Variants in LRRIQ1 observed in about 807,000 individuals in gnomAD.
LRRIQ1 encodes the protein leucine-rich repeat- and IQ domain-containing protein 1.
In LRRIQ1, 210 loss-of-function variants were observed where a neutral mutation model predicts 211.9. The observed-to-expected ratio is 0.99, with a 90% confidence interval of 0.89 to 1.11. The LOEUF (loss-of-function observed/expected upper bound fraction) is 1.11. LRRIQ1 is among the 50% of genes most tolerant of loss of function. The probability of loss-of-function intolerance (pLI) is 0.00; values close to 1 mark genes in which losing one functional copy is unlikely to be tolerated. For synonymous variants in LRRIQ1, 699 were observed against 650.1 expected, an observed-to-expected ratio of 1.08 and a Z score of -1.14; for missense variants, 2,136 against 1,939.5, an observed-to-expected ratio of 1.10 and a Z score of -1.90.
chr12:85,122,412 A>C (rs1888051465), intron 16 of LRRIQ1, among the ~76,000 whole-genome samples: 1 of 152,150 alleles, frequency 6.6e-6, no homozygotes, highest in South Asian at 2.1e-4. Flanking sequence ...AATCAGAATC[A>C]AATGTTGAAG....
chr12:85,173,187 T>G (rs916446500), intron 24 of LRRIQ1, among the ~76,000 whole-genome samples: 2 of 152,196 alleles, frequency 1.3e-5, no homozygotes, highest in African/African-American at 4.8e-5. Context: ...GTAATAAAAT[T>G]CTGTAAATTC....
At chr12:85,215,493 C>T (rs1894036976) in intron 24 of LRRIQ1, among the ~76,000 whole-genome samples, 1 of 152,100 alleles carries the variant, frequency 6.6e-6, no homozygotes, top group African/African-American at 2.4e-5. Flanking sequence ...CTGATCTTCT[C>T]CCTCTACCCA....
At chr12:85,086,996 A>C (rs568734172) in intron 11 of LRRIQ1, among the ~76,000 whole-genome samples, 3 of 151,892 alleles carry the variant, frequency 2.0e-5, no homozygotes, top group Admixed American at 6.6e-5. Flanking sequence ...CACAACGTGC[A>C]GGTTTGTTAC....
At chr12:85,105,857 C>T (rs1038819495) in intron 14 of LRRIQ1, among the ~76,000 whole-genome samples, 4 of 141,246 alleles carry the variant, frequency 2.8e-5, no homozygotes, top group African/African-American at 8.1e-5. Context: ...AGTGCAATAG[C>T]ATGATCTCAG....
intron 19 of LRRIQ1, 43 bp from the exon 20 acceptor site, chr12:85,152,237 T>G (rs1185261371): frequency 6.7e-7 from 1 of 1,489,294 alleles, no homozygotes; most frequent in East Asian, 2.3e-5. Context: ...ATTGTAAAAG[T>G]TATGTAAGCT....
chr12:85,134,590 T>C (rs1209053934), intron 18 of LRRIQ1, among the ~76,000 whole-genome samples: 5 of 152,080 alleles, frequency 3.3e-5, no homozygotes, highest in Admixed American at 3.3e-4. Context: ...AGAATACTGT[T>C]CCTTTGCATT....
intron 1 of LRRIQ1, among the ~76,000 whole-genome samples, chr12:85,036,748 C>CT (rs5799718): frequency 0.23 from 33,590 of 148,014 alleles, 4,233 homozygotes; most frequent in Admixed American, 0.31. Context: ...CTCTTTCTTT[C>CT]TTTTTTTTTT....
intron 24 of LRRIQ1, among the ~76,000 whole-genome samples, chr12:85,165,630 G>A (rs1262038914): frequency 1.3e-5 from 2 of 151,736 alleles, no homozygotes; most frequent in Admixed American, 6.6e-5. Context: ...ACGCCACCAC[G>A]CCCAGCTAAT....
chr12:85,256,760 C>T lies in LRRIQ1; in HGVS notation c.122-6155C>T, dbSNP rs1334020120. 6.6e-5 allele frequency among the ~76,000 whole-genome samples: 10 copies of T among 150,948 alleles called. No homozygotes were observed. The East Asian group carries it at 1.4e-3, about 21-fold the overall frequency. ...TATGTGGCTCACAGAAGAAAATTAACGGGAAAGTTCCATTGAAAGAAATAC... is the reference window on the plus strand; with the variant it reads ...TATGTGGCTCACAGAAGAAAATTAATGGGAAAGTTCCATTGAAAGAAATAC... On this transcript the variant is annotated intron_variant, in intron 1 of 1. Coordinates refer to the LRRIQ1 transcript ENST00000602731.
intron 24 of LRRIQ1, among the ~76,000 whole-genome samples, chr12:85,213,935 G>A (rs530635003): frequency 2.9e-4 from 44 of 152,036 alleles, no homozygotes; most frequent in Non-Finnish European, 5.6e-4. Flanking sequence ...CCAGTATCAT[G>A]AATAGAAAAG....
rs184864174 is a variant in LRRIQ1 at position 85,131,618 on chromosome 12, G to T, written c.4209+3585G>T. Among the ~76,000 whole-genome samples, 7 of 152,212 alleles carry T rather than the reference G, an allele frequency of 4.6e-5. No homozygotes were observed. The East Asian group carries it at 1.2e-3, about 25-fold the overall frequency. ...CATAGGATTTCATGTCACTAGAATGGTAGTAAGCTTCAGCACAACAAGAAT... is the reference window on the plus strand; with the variant it reads ...CATAGGATTTCATGTCACTAGAATGTTAGTAAGCTTCAGCACAACAAGAAT... On this transcript the variant is annotated intron_variant, in intron 18 of 26. Coordinates refer to ENST00000393217, the MANE Select transcript of LRRIQ1 (RefSeq NM_001079910.2).
intron 3 of LRRIQ1, 106 bp from the exon 4 acceptor site, chr12:85,044,612 A>G (rs1192361328): frequency 5.8e-6 from 3 of 513,542 alleles, no homozygotes; most frequent in Non-Finnish European, 1.1e-5. Context: ...GATCAACAAT[A>G]TACCCTGATA....
At chr12:85,107,067 T>G (rs1015980306) in intron 15 of LRRIQ1, among the ~76,000 whole-genome samples, 13 of 152,114 alleles carry the variant, frequency 8.5e-5, no homozygotes, top group Non-Finnish European at 1.8e-4. Context: ...TTTAAATTCT[T>G]GCTCCTCTTT....
chr12:85,236,821 G>GTGCATATA (rs1487368004), intron 26 of LRRIQ1, among the ~76,000 whole-genome samples: 4 of 87,640 alleles, frequency 4.6e-5, no homozygotes, highest in African/African-American at 8.5e-5. Flanking sequence ...ATATGTATGT[G>GTGCATATA]TATGTGTGCA....
chr12:85,261,986 C>T (rs1018204351), intron 1 of LRRIQ1, among the ~76,000 whole-genome samples: 19 of 151,854 alleles, frequency 1.3e-4, no homozygotes, highest in Non-Finnish European at 1.9e-4. Flanking sequence ...GACAGGGTTT[C>T]GCCATGTTGG....
At chr12:85,158,607 A>G (rs1218607074) in intron 23 of LRRIQ1, among the ~76,000 whole-genome samples, 1 of 152,042 alleles carries the variant, frequency 6.6e-6, no homozygotes, top group Non-Finnish European at 1.5e-5. Context: ...ACTGTTAAGT[A>G]TAGAGATGCA....
At chr12:85,198,823 C>G (rs1893147985) in intron 24 of LRRIQ1, among the ~76,000 whole-genome samples, 1 of 152,124 alleles carries the variant, frequency 6.6e-6, no homozygotes, top group Non-Finnish European at 1.5e-5. Flanking sequence ...CCGCCTTGGC[C>G]TCCCAAAGTG....
At chr12:85,066,248 A>C (rs1229360670) in intron 9 of LRRIQ1, among the ~76,000 whole-genome samples, 1 of 151,926 alleles carries the variant, frequency 6.6e-6, no homozygotes, top group African/African-American at 2.4e-5. Context: ...AGCTCAAAGC[A>C]CAGGCTTTTC....
At chr12:85,082,567 G>A (rs988553323) in intron 11 of LRRIQ1, among the ~76,000 whole-genome samples, 8 of 151,772 alleles carry the variant, frequency 5.3e-5, no homozygotes, top group Admixed American at 2.6e-4. Context: ...GCTTCATGTT[G>A]CCTGTATTCT....
Sources: allele counts gnomAD v4.1 joint callset (sites outside exome capture counted in the v4.1 genomes callset), GRCh38; gene constraint gnomAD v4.1.1; transcripts MANE v1.5; gene names NCBI Gene and HGNC (gene_info 2026-07-23, HGNC 2026-07-21).